IL1R1: variants seen among roughly 807,000 people sequenced by gnomAD.
The protein encoded by IL1R1 is interleukin-1 receptor type 1.
In IL1R1, 22 loss-of-function variants were observed where a neutral mutation model predicts 50.2. That is an observed-to-expected ratio of 0.44 (90% CI 0.31 to 0.63). IL1R1 has a LOEUF of 0.63. IL1R1 is among the 20% of genes least tolerant of loss of function. The pLI is 0.07. For missense variants in IL1R1, 509 were observed against 676.2 expected, an observed-to-expected ratio of 0.75 and a Z score of 2.74; for synonymous variants, 251 against 236.7, an observed-to-expected ratio of 1.06 and a Z score of -0.55.
chr2:102,142,345 G>T (rs1310438536), upstream of IL1R1: 1 of 152,256 alleles, frequency 6.6e-6, no homozygotes, highest in Non-Finnish European at 1.5e-5. Flanking sequence ...AGCTCCAGAG[G>T]TCGCTCTGGC....
At chr2:102,173,396 C>T (rs1485854591) in intron 9 of IL1R1, among the ~76,000 whole-genome samples, 4 of 152,056 alleles carry the variant, frequency 2.6e-5, no homozygotes, top group Non-Finnish European at 4.4e-5. Context: ...ATTATAATTG[C>T]GTGCATGGAA....
At chr2:102,172,320 C>T in intron 8 of IL1R1, 1 of 985,202 alleles carries the variant, frequency 1.0e-6, no homozygotes, top group Non-Finnish European at 1.2e-6. Context: ...ACAAGGATCT[C>T]CTGGCTTCCC....
chr2:102,133,222 C>T (rs776980018), intron 1 of IL1R1, among the ~76,000 whole-genome samples: 3 of 117,258 alleles, frequency 2.6e-5, no homozygotes, highest in East Asian at 2.5e-4. Context: ...CCAGCCTGGG[C>T]GACAGAGCAA....
intron 1 of IL1R1, among the ~76,000 whole-genome samples, chr2:102,081,336 C>G (rs1679198070): frequency 6.6e-6 from 1 of 152,080 alleles, no homozygotes; most frequent in Non-Finnish European, 1.5e-5. Context: ...GCTAAGGGAG[C>G]CTGGGATGGA....
At chr2:102,086,978 G>A (rs894353163) in intron 1 of IL1R1, among the ~76,000 whole-genome samples, 9 of 152,050 alleles carry the variant, frequency 5.9e-5, no homozygotes, top group Middle Eastern at 3.4e-3. Flanking sequence ...CAGAGATATT[G>A]TGGATTTGCT....
upstream of IL1R1, chr2:102,142,566 G>A (rs867498107): frequency 1.5e-4 from 23 of 152,032 alleles, no homozygotes; most frequent in African/African-American, 4.8e-4. Flanking sequence ...CGGGACCCCT[G>A]CGGGCTACCC....
At chr2:102,101,696 C>T (rs1431285920), upstream of IL1R1, among the ~76,000 whole-genome samples, 1 of 152,096 alleles carries the variant, frequency 6.6e-6, no homozygotes, top group Admixed American at 6.5e-5. Context: ...TATTTCTGAC[C>T]TTTTATGTAT....
rs1220196540 is a variant in IL1R1 at position 102,135,118 on chromosome 2, G to A, written c.-83-18823G>A. On this transcript the variant is annotated intron_variant, in intron 1 of 10. Transcript: ENST00000409329. ...CATGGTAAGATTTTACAATTTTATT[G>A]GCTAATATAATGCTATCTAAAATCT... is the stretch of plus-strand genomic sequence containing the variant. Among the ~76,000 whole-genome samples the A allele has an allele frequency of 2.0e-5, 3 of 148,584 alleles. No homozygotes were observed. The East Asian group carries it at 6.0e-4, about 30-fold the overall frequency.
At position 102,171,829 on chromosome 2, in the gene IL1R1, C is replaced by G; in HGVS notation, c.750C>G (p.Val250=). ...LGSQIQLICN[V]TGQLSDIAYW... is the part of the protein sequence containing the mutation. ...CCCAGATACAATTGATCTGTAATGTCACCGGCCAGTTGAGTGACATTGCTT... is the reference window on the plus strand; with the variant it reads ...CCCAGATACAATTGATCTGTAATGTGACCGGCCAGTTGAGTGACATTGCTT... The change falls in exon 8 of 12, where the codon GTC becomes GTG. Residue 250 remains valine (V), a synonymous_variant. Transcript: ENST00000410023. 1.2e-6 allele frequency: 2 copies of G among 1,605,528 alleles called. No homozygotes were observed. The highest frequency in any genetic ancestry group is 1.7e-6 in the Non-Finnish European group (2 of 1,173,874).
chr2:102,119,845 T>C (rs1681308205), intron 1 of IL1R1, among the ~76,000 whole-genome samples: 1 of 152,206 alleles, frequency 6.6e-6, no homozygotes, highest in Non-Finnish European at 1.5e-5. Context: ...AAACTTCAAG[T>C]GTACGATACA....
At chr2:102,170,232 T>C (rs1479451248) in intron 7 of IL1R1, among the ~76,000 whole-genome samples, 1 of 152,198 alleles carries the variant, frequency 6.6e-6, no homozygotes, top group Non-Finnish European at 1.5e-5. Flanking sequence ...TAAAATGACT[T>C]AGAAAAATAG....
upstream of IL1R1, chr2:102,141,906 C>G (rs534331584): frequency 1.3e-5 from 2 of 152,380 alleles, no homozygotes; most frequent in South Asian, 4.1e-4. Context: ...CCTCTCCCTG[C>G]AAGGAGCCCA....
At chr2:102,148,949 C>A (rs550914861) in intron 1 of IL1R1, among the ~76,000 whole-genome samples, 1 of 38,992 alleles carries the variant, frequency 2.6e-5, no homozygotes, top group African/African-American at 4.6e-5. Context: ...TGTCTCAAAA[C>A]AAACAAACAA....
intron 1 of IL1R1, among the ~76,000 whole-genome samples, chr2:102,106,274 C>T (rs941826137): frequency 2.0e-5 from 3 of 151,724 alleles, no homozygotes; most frequent in Admixed American, 1.3e-4. Flanking sequence ...GCATTTGATG[C>T]CAGAGATTGG....
rs1386014879 is a variant in IL1R1 at position 102,171,865 on chromosome 2, G to A, written c.786G>A (p.Trp262Ter). The A allele has an allele frequency of 6.2e-7, 1 of 1,610,374 alleles. No individual in the cohort carries two copies. Among genetic ancestry groups the A allele is most frequent in the East Asian group, 2.2e-5 (1 of 44,806 alleles). ...GQLSDIAYWK[W>*]NGSVIDEDDP... is the part of the protein sequence containing the mutation. ...TGAGTGACATTGCTTACTGGAAGTG[G>A]AATGGGTCAGTAATTGATGAAGATG... Residue 262 changes from tryptophan to a stop codon, truncating the protein, a stop_gained, in exon 8 of 12, where the codon TGG (tryptophan) becomes TGA (stop). Coordinates refer to ENST00000410023, the MANE Select transcript of IL1R1 (RefSeq NM_000877.4). LOFTEE classifies it high-confidence loss of function.
intron 2 of IL1R1, among the ~76,000 whole-genome samples, chr2:102,157,039 G>A (rs549656789): frequency 1.9e-4 from 29 of 152,290 alleles, no homozygotes; most frequent in Non-Finnish European, 3.1e-4. Flanking sequence ...TCCTAAGGTT[G>A]AGCAGAGGGG....
Position 102,074,636 on chromosome 2 carries a change from C to T in IL1R1, c.-84+4103C>T, listed in dbSNP as rs1023991860. ...GAAAACAAACTTCCTCTTTCAAAGGCGAAAGTGACAAAGAATTTGCAGGCC... is the reference window on the plus strand; with the variant it reads ...GAAAACAAACTTCCTCTTTCAAAGGTGAAAGTGACAAAGAATTTGCAGGCC... On this transcript the variant is annotated intron_variant, in intron 1 of 11. Coordinates refer to the IL1R1 transcript ENST00000409929. Among the ~76,000 whole-genome samples, 24 of 152,238 alleles carry T rather than the reference C, an allele frequency of 1.6e-4. 1 individual carries two copies. The highest frequency in any genetic ancestry group is 6.2e-4 in the South Asian group (3 of 4,824).
intron 1 of IL1R1, among the ~76,000 whole-genome samples, chr2:102,087,835 A>G (rs987652586): frequency 2.0e-5 from 3 of 152,200 alleles, no homozygotes; most frequent in Admixed American, 2.0e-4. Flanking sequence ...AAAATGGACT[A>G]ATATACCCAT....
intron 1 of IL1R1, among the ~76,000 whole-genome samples, chr2:102,121,647 C>T (rs1377398190): frequency 6.6e-6 from 1 of 152,198 alleles, no homozygotes; most frequent in Non-Finnish European, 1.5e-5. Context: ...CTCCATGACT[C>T]TTGAGATGTC....
Sources: allele counts gnomAD v4.1 joint callset (sites outside exome capture counted in the v4.1 genomes callset), GRCh38; gene constraint gnomAD v4.1.1; transcripts MANE v1.5; gene names NCBI Gene and HGNC (gene_info 2026-07-23, HGNC 2026-07-21).